Variants in BCL2L14 observed in about 807,000 individuals in gnomAD.
BCL2L14 encodes the protein apoptosis facilitator Bcl-2-like protein 14.
In BCL2L14, 27 loss-of-function variants were observed where a neutral mutation model predicts 35.3. That is an observed-to-expected ratio of 0.76 (90% CI 0.56 to 1.05). BCL2L14 has a LOEUF of 1.05. BCL2L14 is among the 50% of genes least tolerant of loss of function. BCL2L14 has a pLI of 0.00. For synonymous variants in BCL2L14, 139 were observed against 145.9 expected, an observed-to-expected ratio of 0.95 and a Z score of 0.34; for missense variants, 377 against 382.6, an observed-to-expected ratio of 0.99 and a Z score of 0.12.
intron 2 of BCL2L14, among the ~76,000 whole-genome samples, chr12:12,054,239 A>C (rs1013900453): frequency 6.6e-6 from 1 of 152,236 alleles, no homozygotes; most frequent in Admixed American, 6.5e-5. Context: ...GCAGTAGCTC[A>C]TGCCTGTAAT....
At chr12:12,092,852 C>T (rs1016184491) in intron 4 of BCL2L14, among the ~76,000 whole-genome samples, 3 of 152,196 alleles carry the variant, frequency 2.0e-5, no homozygotes, top group Non-Finnish European at 2.9e-5. Flanking sequence ...GCATCTGACT[C>T]ATCCCCCAGA....
intron 4 of BCL2L14, 53 bp downstream of exon 4, chr12:12,090,902 C>T: frequency 7.2e-7 from 1 of 1,394,718 alleles, no homozygotes. Context: ...TGCACTAGTA[C>T]ACGAGAATGG....
intron 2 of BCL2L14, 104 bp downstream of exon 2, chr12:12,079,842 C>T (rs916360198): frequency 1.7e-6 from 2 of 1,165,848 alleles, no homozygotes; most frequent in Non-Finnish European, 2.4e-6. Flanking sequence ...TTAGAGAAGG[C>T]ATGCGTTGTG....
At chr12:12,076,259 G>A (rs2136740873) in intron 1 of BCL2L14, among the ~76,000 whole-genome samples, 1 of 152,046 alleles carries the variant, frequency 6.6e-6, no homozygotes, top group East Asian at 1.9e-4. Flanking sequence ...AGCGGGAAGG[G>A]GTAAGTGGAA....
intron 1 of BCL2L14, among the ~76,000 whole-genome samples, chr12:12,051,200 G>A (rs930667866): frequency 9.2e-5 from 14 of 152,114 alleles, no homozygotes; most frequent in Non-Finnish European, 1.6e-4. Flanking sequence ...CTGGCTTTTC[G>A]TGAGTTCAGC....
chr12:12,098,789 C>T (rs1949368945), intron 5 of BCL2L14, among the ~76,000 whole-genome samples, 161 bp from the exon 6 acceptor site: 1 of 152,174 alleles, frequency 6.6e-6, no homozygotes, highest in Admixed American at 6.5e-5. Context: ...TCCTTGCAGG[C>T]ATACCAAGAA....
At chr12:12,093,958 T>A (rs1413250224) in intron 4 of BCL2L14, among the ~76,000 whole-genome samples, 1 of 150,658 alleles carries the variant, frequency 6.6e-6, no homozygotes, top group Admixed American at 6.6e-5. Flanking sequence ...TAGAAAAAAA[T>A]TAGCCAGGTG....
intron 4 of BCL2L14, among the ~76,000 whole-genome samples, chr12:12,091,229 A>G (rs1421975344): frequency 2.0e-5 from 3 of 152,232 alleles, no homozygotes; most frequent in African/African-American, 7.2e-5. Flanking sequence ...TGTGTCCCAC[A>G]GTTGCTCCAA....
At chr12:12,065,439 G>A (rs917447059) in intron 2 of BCL2L14, among the ~76,000 whole-genome samples, 4 of 151,848 alleles carry the variant, frequency 2.6e-5, no homozygotes, top group Admixed American at 6.6e-5. Context: ...TGGAGACTGA[G>A]GCAGGAGAAT....
intron 2 of BCL2L14, among the ~76,000 whole-genome samples, chr12:12,056,394 C>G (rs940743460): frequency 6.6e-6 from 1 of 152,140 alleles, no homozygotes; most frequent in Non-Finnish European, 1.5e-5. Context: ...TTCTTTCTCC[C>G]GATCACTCCC....
chr12:12,059,199 A>G (rs1460478924), intron 2 of BCL2L14, among the ~76,000 whole-genome samples: 15 of 152,218 alleles, frequency 9.9e-5, no homozygotes, highest in Non-Finnish European at 2.9e-5. Context: ...CAGACCACAC[A>G]GGGACGCCTG....
intron 2 of BCL2L14, among the ~76,000 whole-genome samples, chr12:12,059,610 A>ACC (rs369299954): frequency 6.7e-6 from 1 of 148,944 alleles, no homozygotes; most frequent in Admixed American, 6.7e-5. Flanking sequence ...GAGGGCAAGA[A>ACC]CCCCCTACCC....
chr12:12,094,821 C>A lies in BCL2L14; in HGVS notation c.836C>A (p.Thr279Lys), dbSNP rs759252283. The A allele has an allele frequency of 6.2e-7, 1 of 1,614,182 alleles. No homozygotes were observed. The highest frequency in any genetic ancestry group is 8.5e-7 in the Non-Finnish European group (1 of 1,180,044). ...AAGGCTGCCCTTGTAATAGACGTCA[C>A]GGCCAAGCTCACAGCTATTGACAAC... Reference protein sequence around the residue: ...GFKAALVIDVTAKLTAIDNHP... With the variant: ...GFKAALVIDVKAKLTAIDNHP... The change falls in exon 5 of 6, where the codon ACG becomes AAG. Residue 279 changes from threonine (T) to lysine (K), a missense_variant. Coordinates refer to ENST00000308721, the MANE Select transcript of BCL2L14 (RefSeq NM_138723.2).
chr12:12,075,494 C>T (rs775616807), intron 1 of BCL2L14, among the ~76,000 whole-genome samples: 1 of 151,506 alleles, frequency 6.6e-6, no homozygotes, highest in South Asian at 2.1e-4. Context: ...GGCGTGATCT[C>T]GGCTCACTGC....
At chr12:12,052,036 G>C (rs1948364214) in intron 2 of BCL2L14, among the ~76,000 whole-genome samples, 1 of 152,132 alleles carries the variant, frequency 6.6e-6, no homozygotes, top group South Asian at 2.1e-4. Flanking sequence ...ACACGGCTGA[G>C]GACCTTGTTT....
chr12:12,061,580 T>C (rs1948526777), intron 2 of BCL2L14, among the ~76,000 whole-genome samples: 1 of 152,020 alleles, frequency 6.6e-6, no homozygotes, highest in Non-Finnish European at 1.5e-5. Context: ...CAAACCCATA[T>C]ACTCTCCTAT....
upstream of BCL2L14, among the ~76,000 whole-genome samples, chr12:12,067,655 AT>A (rs911662438): frequency 6.6e-6 from 1 of 152,150 alleles, no homozygotes; most frequent in Non-Finnish European, 1.5e-5. Flanking sequence ...CGTCCACCAA[AT>A]TTTTAGCAGC....
At chr12:12,081,077 C>T (rs1948912286) in intron 2 of BCL2L14, among the ~76,000 whole-genome samples, 1 of 151,984 alleles carries the variant, frequency 6.6e-6, no homozygotes, top group African/African-American at 2.4e-5. Context: ...GTCCTGGCTA[C>T]TCGGGAGGCT....
intron 2 of BCL2L14, among the ~76,000 whole-genome samples, chr12:12,056,576 G>A (rs1948436058): frequency 1.3e-5 from 2 of 152,156 alleles, no homozygotes; most frequent in African/African-American, 2.4e-5. Context: ...ACGCTCACTC[G>A]TAATCCCAGC....
Sources: gnomAD v4.1 joint callset for allele counts (sites outside exome capture counted in the v4.1 genomes callset) on GRCh38, gnomAD v4.1.1 for gene constraint, MANE v1.5 for transcripts, NCBI Gene and HGNC (gene_info 2026-07-23, HGNC 2026-07-21) for gene names.